Variants in PTPRM observed in about 807,000 individuals in gnomAD.
The protein encoded by PTPRM is protein tyrosine phosphatase receptor type M.
PTPRM carries 47 observed loss-of-function variants against 186.7 expected under a neutral mutation model. The ratio of observed to expected loss-of-function variants is 0.25; its 90% CI spans 0.20 to 0.32. The LOEUF is 0.32. Among genes scored for constraint, PTPRM ranks in the 10% least tolerant of loss-of-function variants. PTPRM has a pLI of 1.00. For missense variants in PTPRM, 1,494 were observed against 1,865.0 expected (o/e 0.80, Z 3.66); for synonymous variants, 668 against 674.9 (o/e 0.99, Z 0.16).
At chr18:8,086,368 T>C (rs988076746) in intron 10 of PTPRM, among the ~76,000 whole-genome samples, 11 of 152,168 alleles carry the variant, frequency 7.2e-5, no homozygotes, top group Admixed American at 3.9e-4. Flanking sequence ...TTTTTGCTTT[T>C]AGAGACTTAA....
chr18:7,626,870 T>C (rs1173058602), intron 1 of PTPRM, among the ~76,000 whole-genome samples: 1 of 152,118 alleles, frequency 6.6e-6, no homozygotes, highest in Non-Finnish European at 1.5e-5. Flanking sequence ...ATTTTAAAAA[T>C]TTAAAATTTT....
At chr18:7,782,969 A>G (rs1273754000) in intron 2 of PTPRM, among the ~76,000 whole-genome samples, 2 of 152,206 alleles carry the variant, frequency 1.3e-5, no homozygotes, top group African/African-American at 4.8e-5. Flanking sequence ...AATAGTGGCT[A>G]GCTGTGTTTT....
At chr18:8,376,395 A>T (rs2095695039) in intron 25 of PTPRM, 67 bp from the exon 26 acceptor site, 1 of 1,607,008 alleles carries the variant, frequency 6.2e-7, no homozygotes, top group Non-Finnish European at 8.5e-7. Context: ...CTCGATAAAA[A>T]ATTTAAAAAG....
intron 14 of PTPRM, among the ~76,000 whole-genome samples, chr18:8,210,562 T>C (rs141962152): frequency 6.6e-6 from 1 of 152,208 alleles, no homozygotes; most frequent in East Asian, 1.9e-4. Context: ...AAATTTCTCT[T>C]GTTCTGATCC....
chr18:7,706,601 CAAAAAAAAAAAAAAAA>C (rs766639399), intron 1 of PTPRM, among the ~76,000 whole-genome samples: 1 of 16,130 alleles, frequency 6.2e-5, no homozygotes, highest in Admixed American at 9.4e-4. Context: ...GACCTTGTCT[CAAAAAAAAAAAAAAAA>C]AAAAAAAAAA....
chr18:8,395,303 G>A (rs2095840305), intron 32 of PTPRM, among the ~76,000 whole-genome samples: 1 of 152,152 alleles, frequency 6.6e-6, no homozygotes, highest in Admixed American at 6.5e-5. Context: ...GCAGGAGAGG[G>A]AGGAAGAGAT....
intron 11 of PTPRM, among the ~76,000 whole-genome samples, chr18:8,101,395 C>CA (rs1342723439): frequency 6.6e-6 from 1 of 152,214 alleles, no homozygotes; most frequent in African/African-American, 2.4e-5. Flanking sequence ...TTATAGATAA[C>CA]ATGGTAGCCC....
chr18:8,100,632 A>G (rs1265460507), intron 11 of PTPRM, among the ~76,000 whole-genome samples: 3 of 152,234 alleles, frequency 2.0e-5, no homozygotes, highest in Admixed American at 6.5e-5. Flanking sequence ...ACAAATATCC[A>G]AACTATGGCA....
At chr18:8,195,354 T>TA (rs2093763211) in intron 14 of PTPRM, among the ~76,000 whole-genome samples, 2 of 151,964 alleles carry the variant, frequency 1.3e-5, no homozygotes, top group Non-Finnish European at 2.9e-5. Flanking sequence ...GATGGATGTG[T>TA]GGATTGACTC....
chr18:8,063,709 C>T (rs992603485), intron 7 of PTPRM, among the ~76,000 whole-genome samples: 4 of 152,084 alleles, frequency 2.6e-5, no homozygotes, highest in African/African-American at 9.7e-5. Context: ...GAAGTCTGAA[C>T]TTTCAGCATT....
intron 14 of PTPRM, among the ~76,000 whole-genome samples, chr18:8,198,269 C>T (rs911366601): frequency 1.3e-5 from 2 of 152,164 alleles, no homozygotes; most frequent in African/African-American, 4.8e-5. Context: ...ACCTCAGCCT[C>T]CCAAGTAGCT....
At chr18:7,871,061 T>G (rs1174892022) in intron 2 of PTPRM, among the ~76,000 whole-genome samples, 1 of 152,216 alleles carries the variant, frequency 6.6e-6, no homozygotes, top group Non-Finnish European at 1.5e-5. Flanking sequence ...ACAAGGCATT[T>G]TAATGTGAAC....
chr18:7,867,488 T>C (rs1258374764), intron 2 of PTPRM, among the ~76,000 whole-genome samples: 1 of 152,208 alleles, frequency 6.6e-6, no homozygotes, highest in East Asian at 1.9e-4. Context: ...AAATTCTGGG[T>C]TGAAAATTCT....
intron 13 of PTPRM, among the ~76,000 whole-genome samples, chr18:8,133,749 G>A (rs1224487315): frequency 2.0e-5 from 3 of 152,124 alleles, no homozygotes; most frequent in East Asian, 1.9e-4. Context: ...AGGAAAGGGG[G>A]TTGGAGTTAG....
chr18:7,899,351 C>T (rs990554277), intron 3 of PTPRM, among the ~76,000 whole-genome samples: 7 of 152,142 alleles, frequency 4.6e-5, no homozygotes, highest in African/African-American at 1.7e-4. Flanking sequence ...CCGCAGATAC[C>T]ATGAAAGCTT....
chr18:8,140,568 A>G (rs73389722), intron 13 of PTPRM, among the ~76,000 whole-genome samples: 3,428 of 151,756 alleles, frequency 0.023, 122 homozygotes, highest in African/African-American at 0.08. Flanking sequence ...AACCAGCGTT[A>G]TCACTAGGAG....
chr18:7,777,652 AT>A (rs1167906341), intron 2 of PTPRM, among the ~76,000 whole-genome samples: 1 of 152,240 alleles, frequency 6.6e-6, no homozygotes, highest in Non-Finnish European at 1.5e-5. Flanking sequence ...ATATACAAAC[AT>A]TTCACATTTT....
chr18:8,063,287 G>T (rs910636617), intron 7 of PTPRM, among the ~76,000 whole-genome samples: 1 of 150,900 alleles, frequency 6.6e-6, no homozygotes, highest in Non-Finnish European at 1.5e-5. Context: ...GCGCTTCCCA[G>T]GTGAGGCAAT....
At chr18:7,750,722 T>A (rs1208364926) in intron 1 of PTPRM, among the ~76,000 whole-genome samples, 1 of 152,154 alleles carries the variant, frequency 6.6e-6, no homozygotes, top group Non-Finnish European at 1.5e-5. Context: ...ACAGGTTACT[T>A]CATTTGGCTT....
Sources: allele counts gnomAD v4.1 joint callset (sites outside exome capture counted in the v4.1 genomes callset), GRCh38; gene constraint gnomAD v4.1.1; transcripts MANE v1.5; gene names NCBI Gene and HGNC (gene_info 2026-07-23, HGNC 2026-07-21).